KLHL29: variants seen among roughly 807,000 people sequenced by gnomAD.
KLHL29 encodes kelch-like protein 29.
KLHL29 carries 21 observed loss-of-function variants against 80.4 expected under a neutral mutation model. That is an observed-to-expected ratio of 0.26 (90% CI 0.19 to 0.38). KLHL29 has a LOEUF of 0.38. KLHL29 is among the 10% of genes least tolerant of loss of function. KLHL29 has a pLI of 1.00. For synonymous variants in KLHL29, 511 were observed against 526.8 expected, an observed-to-expected ratio of 0.97 and a Z score of 0.41; for missense variants, 867 against 1,223.9, an observed-to-expected ratio of 0.71 and a Z score of 4.35.
intron 2 of KLHL29, among the ~76,000 whole-genome samples, chr2:23,520,858 T>C (rs933088487): frequency 6.6e-6 from 1 of 152,256 alleles, no homozygotes; most frequent in Non-Finnish European, 1.5e-5. Flanking sequence ...CATTTTCATC[T>C]GTCTTTTCTC....
In KLHL29 at chr2:23,427,148, C is replaced by G. The variant is rs1013998732; in HGVS notation, c.-154+41368C>G. On this transcript the variant is annotated intron_variant, in intron 1 of 13. Coordinates refer to ENST00000486442, the MANE Select transcript of KLHL29 (RefSeq NM_052920.2). ...TAACAGGAGCTCAGGTCTCCTGACTCCACAAGAAGGTGCTGGCTAATTGCA... is the reference window on the plus strand; with the variant it reads ...TAACAGGAGCTCAGGTCTCCTGACTGCACAAGAAGGTGCTGGCTAATTGCA... Among the ~76,000 whole-genome samples, 15 of 152,296 alleles carry G rather than the reference C, an allele frequency of 9.8e-5. No homozygotes were observed. In the East Asian group the frequency reaches 2.3e-3, roughly 24 times the overall value.
At chr2:23,502,583 ACTC>A (rs1285714675) in intron 2 of KLHL29, among the ~76,000 whole-genome samples, 1 of 152,098 alleles carries the variant, frequency 6.6e-6, no homozygotes, top group Non-Finnish European at 1.5e-5. Context: ...ATGAAATAAA[ACTC>A]CTGCAAATCT....
chr2:23,688,240 G>A (rs913767038), intron 6 of KLHL29, among the ~76,000 whole-genome samples: 70 of 152,352 alleles, frequency 4.6e-4, no homozygotes, highest in African/African-American at 1.7e-3. Context: ...GCATGCCCAT[G>A]CGTGTGTCCT....
At chr2:23,632,796 C>T (rs4665620) in intron 3 of KLHL29, among the ~76,000 whole-genome samples, 27,163 of 152,224 alleles carry the variant, frequency 0.18, 3,300 homozygotes, top group East Asian at 0.31. Context: ...CTCCCAAATC[C>T]CCATTCCTCT....
At chr2:23,685,504 T>TG (rs1258272500) in intron 6 of KLHL29, 4 of 152,300 alleles carry the variant, frequency 2.6e-5, no homozygotes, top group African/African-American at 9.6e-5. Context: ...TGTTTGGACT[T>TG]GCCAACTAAC....
intron 3 of KLHL29, among the ~76,000 whole-genome samples, chr2:23,592,436 G>A (rs1182918065): frequency 6.6e-6 from 1 of 152,202 alleles, no homozygotes; most frequent in Non-Finnish European, 1.5e-5. Context: ...GCAGCTGCTC[G>A]GGAACATTCT....
chr2:23,695,982 C>T lies in KLHL29; in HGVS notation c.1773C>T (p.Gly591=), dbSNP rs1355877332. 2 of 1,551,520 alleles carry T rather than the reference C, an allele frequency of 1.3e-6. No individual in the cohort carries two copies. The highest frequency in any genetic ancestry group is 1.7e-6 in the Non-Finnish European group (2 of 1,146,950). The change falls in exon 10 of 14, where the codon GGC becomes GGT. Residue 591 remains glycine, a synonymous_variant. Coordinates refer to ENST00000486442, the MANE Select transcript of KLHL29 (RefSeq NM_052920.2). This position sits in a 1 kb window ranked among gnomAD's most constrained non-coding sequence, Gnocchi z 7.6. ...CTGAGGTCATCGTCTTGGTTGGGGG[C>T]CGTCAGATGGTGGGGATGACCCAGC... The part of the protein sequence containing the change: ...GVAEVIVLVG[G]RQMVGMTQRS...
At chr2:23,628,345 C>T (rs1236160455) in intron 3 of KLHL29, among the ~76,000 whole-genome samples, 1 of 146,580 alleles carries the variant, frequency 6.8e-6, no homozygotes, top group Non-Finnish European at 1.5e-5. Flanking sequence ...CTTAGTTAAT[C>T]CTAGAATGCC....
At chr2:23,434,320 CAAAAA>C (rs34991893) in intron 1 of KLHL29, among the ~76,000 whole-genome samples, 1 of 54,912 alleles carries the variant, frequency 1.8e-5, no homozygotes, top group South Asian at 1.4e-3. Flanking sequence ...GACTCCGTCT[CAAAAA>C]AAAAAAAAAA....
intron 3 of KLHL29, among the ~76,000 whole-genome samples, chr2:23,623,299 C>T (rs941595370): frequency 3.4e-4 from 52 of 152,134 alleles, no homozygotes; most frequent in Admixed American, 2.6e-4. Flanking sequence ...CCTGCAATGG[C>T]GATGAGCCCT....
At position 23,684,635 on chromosome 2, in the gene KLHL29, C is replaced by CAGGGAG; in HGVS notation, c.1079+98_1079+99insAGGGAG. On this transcript the variant is annotated intron_variant, in intron 6 of 13. Transcript: ENST00000486442. This position sits in a 1 kb window ranked among gnomAD's most constrained non-coding sequence, Gnocchi z 4.4. Reference sequence around the variant, plus strand: ...TCTCTTGCAGGTTCCTGAAGCGTGACTCCCTGTCACAGAGCCAGTAGCCAT... The same window carrying CAGGGAG: ...TCTCTTGCAGGTTCCTGAAGCGTGACAGGGAGTCCCTGTCACAGAGCCAGTAGCCAT... 9.3e-7 allele frequency: 1 copy of CAGGGAG among 1,078,180 alleles called. No individual in the cohort carries two copies. Among genetic ancestry groups the CAGGGAG allele is most frequent in the Non-Finnish European group, 1.3e-6 (1 of 773,286 alleles). 66.8% of individuals were successfully genotyped at this position (1,078,180 alleles called of 1,614,324 possible).
chr2:23,422,182 A>G (rs1276453182), intron 1 of KLHL29, among the ~76,000 whole-genome samples: 2 of 142,116 alleles, frequency 1.4e-5, no homozygotes, highest in Admixed American at 7.0e-5. Flanking sequence ...CTGTGTATCT[A>G]TGTGTCTCTG....
Position 23,669,750 on chromosome 2 carries a change from G to A in KLHL29, c.941-14649G>A, listed in dbSNP as rs1401194422. Among the ~76,000 whole-genome samples the A allele has an allele frequency of 6.6e-6, 1 of 152,140 alleles. No homozygotes were observed. Among genetic ancestry groups the A allele is most frequent in the African/African-American group, 2.4e-5 (1 of 41,422 alleles). On this transcript the variant is annotated intron_variant, in intron 5 of 13. Transcript: ENST00000486442. This position sits in a 1 kb window ranked among gnomAD's most constrained non-coding sequence, Gnocchi z 4.3. ...GTGGCCGGTGCCCAGCTCATTTAGA[G>A]CTGAGGCCCCCAGAACCCAGGGCTG...
At chr2:23,626,110 AG>A (rs1669301856) in intron 3 of KLHL29, among the ~76,000 whole-genome samples, 1 of 152,284 alleles carries the variant, frequency 6.6e-6, no homozygotes, top group Non-Finnish European at 1.5e-5. Flanking sequence ...TTGGGGGGGC[AG>A]TTTCTGGATG....
intron 1 of KLHL29, among the ~76,000 whole-genome samples, chr2:23,443,906 A>G (rs1663602748): frequency 6.6e-6 from 1 of 152,344 alleles, no homozygotes; most frequent in African/African-American, 2.4e-5. Flanking sequence ...AGAACTTGTC[A>G]CCTAATGGCT....
At position 23,597,307 on chromosome 2, in the gene KLHL29, A is replaced by ATGTGTGTGTGTGTGTG. The variant is rs1454960849; in HGVS notation, c.285+34827_285+34828insGTGTGTGTGTGTGTGT. Among the ~76,000 whole-genome samples, 435 of 106,532 alleles carry ATGTGTGTGTGTGTGTG rather than the reference A, an allele frequency of 4.1e-3. 2 individuals are homozygous for ATGTGTGTGTGTGTGTG. Among genetic ancestry groups the ATGTGTGTGTGTGTGTG allele is most frequent in the Middle Eastern group, 8.5e-3 (2 of 234 alleles). The allele number at this position is 106,532 out of a possible 152,430, so 69.9% of individuals were successfully genotyped here. Reference sequence around the variant, plus strand: ...ATCTCTCTCTCTCTCATATATATATATATGTGTGTGTGTGTGTGTGTGTGT... The same window carrying ATGTGTGTGTGTGTGTG: ...ATCTCTCTCTCTCTCATATATATATATGTGTGTGTGTGTGTGTATGTGTGTGTGTGTGTGTGTGTGT... On this transcript the variant is annotated intron_variant, in intron 3 of 13. Transcript: ENST00000486442.
At position 23,684,956 on chromosome 2, in the gene KLHL29, C is replaced by T. The variant is rs918867134; in HGVS notation, c.1079+419C>T. 6.6e-6 allele frequency among the ~76,000 whole-genome samples: 1 copy of T among 152,226 alleles called. No homozygotes were observed. Among genetic ancestry groups the T allele is most frequent in the African/African-American group, 2.4e-5 (1 of 41,462 alleles). On this transcript the variant is annotated intron_variant, in intron 6 of 13. Transcript: ENST00000486442. This position sits in a 1 kb window ranked among gnomAD's most constrained non-coding sequence, Gnocchi z 4.4. ...TCCCCAGTGCCATCGTCCCTGCTGT[C>T]GGTGGTGACTAATGCCAGGAAAGCG... is the stretch of plus-strand genomic sequence containing the variant.
chr2:23,427,802 A>AT (rs1216519165), intron 1 of KLHL29, among the ~76,000 whole-genome samples: 1 of 152,198 alleles, frequency 6.6e-6, no homozygotes, highest in Non-Finnish European at 1.5e-5. Context: ...GTTTTGTGAC[A>AT]TATTTTTAAA....
At chr2:23,498,845 G>C (rs1256972769) in intron 2 of KLHL29, among the ~76,000 whole-genome samples, 2 of 152,198 alleles carry the variant, frequency 1.3e-5, no homozygotes, top group Non-Finnish European at 2.9e-5. Context: ...CAGAACCTGG[G>C]TGAGGCCGCC....
Sources: allele counts gnomAD v4.1 joint callset (sites outside exome capture counted in the v4.1 genomes callset), GRCh38; gene constraint gnomAD v4.1.1; non-coding constraint Gnocchi (gnomAD v3.1); transcripts MANE v1.5; gene names NCBI Gene and HGNC (gene_info 2026-07-23, HGNC 2026-07-21).